The following KIAA1671 variants were observed in gnomAD, a reference collection of about 807,000 sequenced individuals.
KIAA1671 encodes KIAA1671.
A neutral mutation model predicts 131.2 loss-of-function variants in KIAA1671; 52 were observed. That is an observed-to-expected ratio of 0.40 (90% CI 0.32 to 0.50). The LOEUF (loss-of-function observed/expected upper bound fraction) is 0.50, where lower values mean the gene tolerates loss of function less well. Among genes scored for constraint, KIAA1671 ranks in the 20% least tolerant of loss-of-function variants. The pLI is 0.73. For missense variants in KIAA1671, 2,360 were observed against 2,364.2 expected (o/e 1.00, Z 0.04); for synonymous variants, 1,003 against 961.6 (o/e 1.04, Z -0.80).
intron 4 of KIAA1671, among the ~76,000 whole-genome samples, chr22:25,033,131 C>G (rs1029808840): frequency 8.6e-5 from 13 of 152,040 alleles, no homozygotes; most frequent in Admixed American, 5.9e-4. Context: ...ATTTGTAATC[C>G]CAGCACTTTG....
chr22:25,141,423 G>T (rs1047160478), intron 6 of KIAA1671, among the ~76,000 whole-genome samples: 1 of 151,870 alleles, frequency 6.6e-6, no homozygotes, highest in African/African-American at 2.4e-5. Context: ...TAGTAGAGAC[G>T]GGGTTTCACC....
intron 4 of KIAA1671, among the ~76,000 whole-genome samples, chr22:25,033,538 CAG>C (rs755736531): frequency 8.3e-5 from 12 of 145,340 alleles, no homozygotes; most frequent in South Asian, 2.2e-4. Context: ...ATGCTTTCTG[CAG>C]AGTCTTAGTT....
intron 6 of KIAA1671, among the ~76,000 whole-genome samples, chr22:25,126,590 A>T (rs1045432453): frequency 6.6e-6 from 1 of 152,204 alleles, no homozygotes; most frequent in Non-Finnish European, 1.5e-5. Context: ...ATTGTTCTTC[A>T]TGGAGGAGTT....
intron 11 of KIAA1671, among the ~76,000 whole-genome samples, chr22:25,189,290 A>C (rs1449164076): frequency 6.6e-6 from 1 of 151,750 alleles, no homozygotes; most frequent in Non-Finnish European, 1.5e-5. Flanking sequence ...CTCCTGCCTC[A>C]GCCTCCTGAG....
intron 1 of KIAA1671, among the ~76,000 whole-genome samples, chr22:24,985,257 ATCC>A (rs1327609199): frequency 6.6e-6 from 1 of 152,144 alleles, no homozygotes; most frequent in South Asian, 2.1e-4. Context: ...GGATGCTAAT[ATCC>A]TCCTAAGAGA....
intron 2 of KIAA1671, among the ~76,000 whole-genome samples, chr22:25,027,122 A>G (rs1925989661): frequency 6.6e-6 from 1 of 152,154 alleles, no homozygotes; most frequent in South Asian, 2.1e-4. Context: ...AAGAGTATGA[A>G]GGCAGTCAGC....
At chr22:25,015,067 C>G (rs966175379) in intron 1 of KIAA1671, 1 of 151,970 alleles carries the variant, frequency 6.6e-6, no homozygotes, top group African/African-American at 2.4e-5. Context: ...GGCGAAAGCC[C>G]TTTTCTACAA....
chr22:25,065,991 T>C (rs1186958622), intron 6 of KIAA1671, among the ~76,000 whole-genome samples: 1 of 152,100 alleles, frequency 6.6e-6, no homozygotes, highest in Non-Finnish European at 1.5e-5. Context: ...TTCTGGAGGC[T>C]GGGAAGTCCA....
At chr22:25,173,965 A>T (rs1385959852) in intron 7 of KIAA1671, among the ~76,000 whole-genome samples, 1 of 152,196 alleles carries the variant, frequency 6.6e-6, no homozygotes, top group Non-Finnish European at 1.5e-5. Context: ...GCTTCCGTCC[A>T]GGACAGCGCA....
At chr22:24,972,335 A>G (rs1922662053) in intron 1 of KIAA1671, among the ~76,000 whole-genome samples, 1 of 152,236 alleles carries the variant, frequency 6.6e-6, no homozygotes, top group African/African-American at 2.4e-5. Context: ...GCTCATAAGC[A>G]TATGGTCAGA....
intron 6 of KIAA1671, among the ~76,000 whole-genome samples, chr22:25,119,007 C>T (rs1931811896): frequency 6.6e-6 from 1 of 152,192 alleles, no homozygotes; most frequent in Non-Finnish European, 1.5e-5. Flanking sequence ...GGACCTATCT[C>T]ATTCTATACT....
chr22:25,164,668 G>T (rs5996846), intron 6 of KIAA1671, among the ~76,000 whole-genome samples: 2 of 152,064 alleles, frequency 1.3e-5, no homozygotes, highest in African/African-American at 2.4e-5. Context: ...GAGTTGCAGG[G>T]GCCCGGTATG....
chr22:25,028,089 G>T lies in KIAA1671; in HGVS notation c.90G>T (p.Arg30Ser). Residue 30 changes from arginine (R) to serine (S), a missense_variant, in exon 3 of 13, where the codon AGG becomes AGT. Physicochemically the swap from Arg to Ser is moderately radical, Grantham distance 110. Transcript: ENST00000358431. Reference protein sequence around the residue: ...GEMGKEETLTRTYFLQAGEAS... With the variant: ...GEMGKEETLTSTYFLQAGEAS... The stretch of plus-strand genomic sequence containing the variant: ...TGGGCAAGGAGGAGACCCTGACGAG[G>T]ACCTACTTCCTCCAGGCCGGCGAAG... 2 of 1,551,220 alleles carry T rather than the reference G, an allele frequency of 1.3e-6. No homozygotes were observed. The highest frequency in any genetic ancestry group is 1.7e-6 in the Non-Finnish European group (2 of 1,146,752).
intron 3 of KIAA1671, among the ~76,000 whole-genome samples, chr22:25,031,623 C>T (rs1019744823): frequency 2.0e-5 from 3 of 152,352 alleles, no homozygotes; most frequent in Admixed American, 1.3e-4. Flanking sequence ...AGCCACGGCA[C>T]CCGGCCTGTA....
At position 25,107,697 on chromosome 22, in the gene KIAA1671, T is replaced by TG. The variant is rs1555879330; in HGVS notation, c.4530+58333_4530+58334insG. 1.9e-3 allele frequency among the ~76,000 whole-genome samples: 288 copies of TG among 151,786 alleles called. 1 individual carries two copies. The highest frequency in any genetic ancestry group is 6.8e-3 in the African/African-American group (282 of 41,450). On this transcript the variant is annotated intron_variant, in intron 6 of 12. Transcript: ENST00000358431. ...GCCACAGCACCCAGCACTCCATTTT[T>TG]TGTGTGTGTGTGCATTTCAAAATAA...
chr22:25,120,722 CCT>C (rs1568967031), intron 6 of KIAA1671, among the ~76,000 whole-genome samples: 1 of 152,194 alleles, frequency 6.6e-6, no homozygotes, highest in Non-Finnish European at 1.5e-5. Context: ...CTTTTTCCCC[CCT>C]CTTCCAAACA....
At chr22:25,004,684 C>T (rs375287419) in intron 1 of KIAA1671, among the ~76,000 whole-genome samples, 3 of 150,120 alleles carry the variant, frequency 2.0e-5, no homozygotes, top group African/African-American at 7.4e-5. Context: ...CGGTGACTCA[C>T]GCCTGTAATC....
At chr22:25,049,418 C>A in intron 6 of KIAA1671, 54 bp downstream of exon 6, 1 of 1,525,064 alleles carries the variant, frequency 6.6e-7, no homozygotes, top group Non-Finnish European at 8.9e-7. Flanking sequence ...GGTTGCTGGA[C>A]ACTGCTGTGA....
At position 25,029,487 on chromosome 22, in the gene KIAA1671, G is replaced by A; in HGVS notation, c.1488G>A (p.Glu496=). 6.4e-7 allele frequency: 1 copy of A among 1,550,830 alleles called. No individual in the cohort carries two copies. The highest frequency in any genetic ancestry group is 1.4e-5 in the African/African-American group (1 of 73,160). Residue 496 remains glutamate (E), a synonymous_variant, in exon 3 of 13, where the codon GAG becomes GAA. Coordinates refer to ENST00000358431, the MANE Select transcript of KIAA1671 (RefSeq NM_001145206.2). ...WTAESSEAKP[E]VRRRTFQARP... is the part of the protein sequence containing the mutation. The stretch of plus-strand genomic sequence containing the variant: ...CCGAGAGCTCAGAGGCTAAGCCCGA[G>A]GTCAGGAGGAGGACGTTCCAGGCTC...
Sources: gnomAD v4.1 joint callset for allele counts (sites outside exome capture counted in the v4.1 genomes callset) on GRCh38, gnomAD v4.1.1 for gene constraint, MANE v1.5 for transcripts, NCBI Gene and HGNC (gene_info 2026-07-23, HGNC 2026-07-21) for gene names.